Variants in AGBL1 observed in about 807,000 individuals in gnomAD.
AGBL1 encodes AGBL carboxypeptidase 1.
Under a neutral mutation model 118.9 loss-of-function variants are expected in AGBL1, and 130 were observed. The ratio of observed to expected loss-of-function variants is 1.09; its 90% CI spans 0.95 to 1.26. The LOEUF (loss-of-function observed/expected upper bound fraction) is 1.26. AGBL1 is among the 50% of genes most tolerant of loss of function. The pLI, the probability that AGBL1 is intolerant of heterozygous loss-of-function variation, is 0.00. For synonymous variants in AGBL1, 555 were observed against 478.9 expected (o/e 1.16, Z -2.08); for missense variants, 1,584 against 1,298.1 (o/e 1.22, Z -3.38).
At chr15:86,142,147 A>G (rs1371961472) in intron 2 of AGBL1, 80 bp downstream of exon 2, 1 of 1,392,792 alleles carries the variant, frequency 7.2e-7, no homozygotes, top group Admixed American at 2.0e-5. Flanking sequence ...CACCTCTGTG[A>G]CCTGGGGGTT....
rs1234066228 is a variant in AGBL1, at chr15:86,997,079, G to A, written c.3323+8991G>A. Among the ~76,000 whole-genome samples, 5 of 151,962 alleles carry A rather than the reference G, an allele frequency of 3.3e-5. No individual in the cohort carries two copies. The South Asian group carries it at 1.0e-3, about 32-fold the overall frequency. Reference sequence around the variant, plus strand: ...GAATAGCCTTTTTTTCTTTCCTGTTGTTTTGATCTGTATTTGTCCAAGTAT... The same window carrying A: ...GAATAGCCTTTTTTTCTTTCCTGTTATTTTGATCTGTATTTGTCCAAGTAT... On this transcript the variant is annotated intron_variant, in intron 24 of 24. Coordinates refer to the AGBL1 transcript ENST00000441037.
In AGBL1 at chr15:86,827,461, ATATATATACATATATATATATATGTGTG is replaced by A. The variant is rs1225272182; in HGVS notation, c.3159-79617_3159-79590del. ...TATATATGTGTGTGTATATATATAT[ATATATATACATATATATATATATGTGTG>A]TATATATATATATATATATATATAT... On this transcript the variant is annotated intron_variant, in intron 22 of 22. Transcript: ENST00000614907. Among the ~76,000 whole-genome samples, 9 of 10,546 alleles carry A rather than the reference ATATATATACATATATATATATATGTGTG, an allele frequency of 8.5e-4. 1 individual carries two copies. The South Asian group carries it at 0.013, about 15-fold the overall frequency. The allele number at this position is 10,546 out of a possible 152,430, so 6.9% of individuals were successfully genotyped here.
At chr15:86,707,604 C>G (rs774715179) in intron 22 of AGBL1, among the ~76,000 whole-genome samples, 12 of 152,008 alleles carry the variant, frequency 7.9e-5, no homozygotes, top group Admixed American at 4.6e-4. Flanking sequence ...AAGACAAAAT[C>G]GAATGTGTAG....
intron 22 of AGBL1, among the ~76,000 whole-genome samples, chr15:86,780,386 C>G (rs1398870796): frequency 1.3e-5 from 2 of 152,158 alleles, no homozygotes; most frequent in East Asian, 3.9e-4. Flanking sequence ...TATAACAGCT[C>G]TCAATATCTT....
At chr15:86,210,585 C>G (rs899893499) in intron 5 of AGBL1, among the ~76,000 whole-genome samples, 5 of 152,152 alleles carry the variant, frequency 3.3e-5, no homozygotes, top group African/African-American at 1.2e-4. Flanking sequence ...CACTGATACC[C>G]TTTCTTCCAC....
At chr15:86,977,961 A>T (rs2081191828) in intron 23 of AGBL1, among the ~76,000 whole-genome samples, 1 of 152,144 alleles carries the variant, frequency 6.6e-6, no homozygotes, top group African/African-American at 2.4e-5. Flanking sequence ...AAAATAAGAA[A>T]TGTTAAATTT....
At chr15:86,822,129 A>G (rs911480004) in intron 22 of AGBL1, among the ~76,000 whole-genome samples, 3 of 152,168 alleles carry the variant, frequency 2.0e-5, no homozygotes, top group African/African-American at 4.8e-5. Context: ...CCAATAAAAA[A>G]TGGAAGTTCG....
chr15:86,445,055 G>GA (rs1040194352), intron 18 of AGBL1, among the ~76,000 whole-genome samples: 8 of 152,130 alleles, frequency 5.3e-5, no homozygotes, highest in African/African-American at 1.4e-4. Flanking sequence ...GTTGGGGTGT[G>GA]AAAAAAATCT....
chr15:86,494,764 A>G (rs2082826376), intron 18 of AGBL1, among the ~76,000 whole-genome samples: 1 of 152,110 alleles, frequency 6.6e-6, no homozygotes, highest in Non-Finnish European at 1.5e-5. Flanking sequence ...CCTTTAAAAA[A>G]TAAGTCTAGA....
intron 22 of AGBL1, among the ~76,000 whole-genome samples, chr15:86,806,593 C>A (rs2078717010): frequency 6.6e-6 from 1 of 152,062 alleles, no homozygotes; most frequent in South Asian, 2.1e-4. Context: ...TGAACTTAAG[C>A]AAGCTTCTTA....
chr15:86,654,979 T>A (rs2085439867), intron 21 of AGBL1, among the ~76,000 whole-genome samples: 1 of 152,138 alleles, frequency 6.6e-6, no homozygotes, highest in Non-Finnish European at 1.5e-5. Context: ...CAGAGCAGCC[T>A]TGCAGAAAAG....
intron 5 of AGBL1, among the ~76,000 whole-genome samples, chr15:86,188,750 G>C (rs1382640296): frequency 6.6e-6 from 1 of 152,098 alleles, no homozygotes; most frequent in Non-Finnish European, 1.5e-5. Context: ...CCTACAAGAT[G>C]GTACATCTTG....
At chr15:86,557,580 T>A (rs1200829125) in intron 21 of AGBL1, among the ~76,000 whole-genome samples, 1 of 152,176 alleles carries the variant, frequency 6.6e-6, no homozygotes, top group Admixed American at 6.5e-5. Flanking sequence ...CATCCTTGTA[T>A]TGTGGGACCT....
chr15:86,385,193 TATG>T (rs540896366), intron 17 of AGBL1, among the ~76,000 whole-genome samples: 122 of 152,400 alleles, frequency 8.0e-4, no homozygotes, highest in African/African-American at 2.9e-3. Flanking sequence ...CATTTTTTCA[TATG>T]ATAACATATT....
At chr15:86,712,575 A>G (rs2086577630) in intron 22 of AGBL1, among the ~76,000 whole-genome samples, 1 of 152,068 alleles carries the variant, frequency 6.6e-6, no homozygotes, top group African/African-American at 2.4e-5. Context: ...ACAGCAGAGA[A>G]AAAAAATCCG....
At chr15:86,248,417 A>G (rs1263479125) in intron 7 of AGBL1, among the ~76,000 whole-genome samples, 1 of 152,218 alleles carries the variant, frequency 6.6e-6, no homozygotes, top group Non-Finnish European at 1.5e-5. Context: ...GGTGCAGTGT[A>G]TGGCATAGTG....
chr15:86,561,065 A>AT (rs1363940217), intron 21 of AGBL1, among the ~76,000 whole-genome samples: 2 of 152,078 alleles, frequency 1.3e-5, no homozygotes, highest in South Asian at 2.1e-4. Flanking sequence ...GATTGCAAAC[A>AT]TTTTTTCCCA....
At chr15:86,338,957 T>C (rs2080418066) in intron 17 of AGBL1, among the ~76,000 whole-genome samples, 1 of 152,222 alleles carries the variant, frequency 6.6e-6, no homozygotes, top group Non-Finnish European at 1.5e-5. Flanking sequence ...ACTAGAGGGT[T>C]ACAAGTGTTC....
chr15:86,194,761 G>C (rs1285598995), intron 5 of AGBL1, among the ~76,000 whole-genome samples: 1 of 152,186 alleles, frequency 6.6e-6, no homozygotes, highest in Non-Finnish European at 1.5e-5. Context: ...GTTCCAACAG[G>C]AGTGCCAGAG....
Sources: gnomAD v4.1 joint callset for allele counts (sites outside exome capture counted in the v4.1 genomes callset) on GRCh38, gnomAD v4.1.1 for gene constraint, MANE v1.5 for transcripts, NCBI Gene and HGNC (gene_info 2026-07-23, HGNC 2026-07-21) for gene names.